Variants in SCD5 observed in about 807,000 individuals in gnomAD.
SCD5 encodes stearoyl-CoA desaturase 5.
SCD5 carries 20 observed loss-of-function variants against 30.4 expected under a neutral mutation model. The observed-to-expected ratio is 0.66, with a 90% confidence interval of 0.46 to 0.96. The LOEUF (loss-of-function observed/expected upper bound fraction) is 0.96, where lower values mean the gene tolerates loss of function less well. Ranked by LOEUF, SCD5 falls within the 40% of genes least tolerant of loss-of-function variation. The pLI, the probability that SCD5 is intolerant of heterozygous loss-of-function variation, is 0.00. For missense variants in SCD5, 381 were observed against 443.3 expected (o/e 0.86, Z 1.26); for synonymous variants, 173 against 176.4 (o/e 0.98, Z 0.16).
chr4:82,658,630 C>CTTTTT (rs57727794), intron 3 of SCD5, among the ~76,000 whole-genome samples: 1,500 of 116,508 alleles, frequency 0.013, 24 homozygotes, highest in East Asian at 0.019. Flanking sequence ...CCACACCTGG[C>CTTTTT]TTTTTTTTTT....
chr4:82,751,327 C>T (rs539891720), intron 1 of SCD5, among the ~76,000 whole-genome samples: 10 of 152,220 alleles, frequency 6.6e-5, no homozygotes, highest in Non-Finnish European at 1.3e-4. Flanking sequence ...TCCTTAGTAG[C>T]TAGGACTACA....
At chr4:82,687,914 G>A (rs1728746198) in intron 2 of SCD5, among the ~76,000 whole-genome samples, 1 of 152,100 alleles carries the variant, frequency 6.6e-6, no homozygotes, top group Non-Finnish European at 1.5e-5. Context: ...GTCTTTTAAG[G>A]CCCACATAAT....
intron 4 of SCD5, among the ~76,000 whole-genome samples, chr4:82,635,046 A>G (rs1207394337): frequency 3.3e-5 from 5 of 152,212 alleles, no homozygotes; most frequent in Admixed American, 6.5e-5. Context: ...GTGATGCAGA[A>G]TCTCATCACT....
At chr4:82,675,740 T>G (rs1375282676) in intron 3 of SCD5, among the ~76,000 whole-genome samples, 2 of 152,246 alleles carry the variant, frequency 1.3e-5, no homozygotes, top group Non-Finnish European at 2.9e-5. Context: ...ATCTTCATTT[T>G]GTCATCTGAG....
chr4:82,695,448 T>C (rs368754755), intron 2 of SCD5, among the ~76,000 whole-genome samples: 2 of 152,130 alleles, frequency 1.3e-5, no homozygotes, highest in African/African-American at 2.4e-5. Context: ...AATTTAGTGA[T>C]AGAACTGAAG....
intron 3 of SCD5, chr4:82,660,951 T>C (rs754378018): frequency 3.1e-6 from 5 of 1,614,184 alleles, no homozygotes; most frequent in East Asian, 2.2e-5. Context: ...AATGAGTATG[T>C]AACAAAGCTA....
chr4:82,763,650 G>A (rs554689141), intron 1 of SCD5, among the ~76,000 whole-genome samples: 7 of 152,342 alleles, frequency 4.6e-5, no homozygotes, highest in African/African-American at 1.7e-4. Flanking sequence ...CAGGAACAGA[G>A]GAAAGACCAC....
chr4:82,752,865 A>G (rs1578052930), intron 1 of SCD5, among the ~76,000 whole-genome samples: 1 of 152,062 alleles, frequency 6.6e-6, no homozygotes, highest in Admixed American at 6.5e-5. Flanking sequence ...ACTGCATCAC[A>G]TTTTCCCAAA....
intron 4 of SCD5, among the ~76,000 whole-genome samples, chr4:82,632,421 T>A (rs865930678): frequency 2.6e-5 from 4 of 152,264 alleles, no homozygotes; most frequent in African/African-American, 7.2e-5. Context: ...ACATTTTTTT[T>A]AATCCAGTCT....
At chr4:82,791,064 C>A (rs1449124140) in intron 1 of SCD5, among the ~76,000 whole-genome samples, 1 of 152,016 alleles carries the variant, frequency 6.6e-6, no homozygotes, top group South Asian at 2.1e-4. Flanking sequence ...ACGGTGAAAC[C>A]CCATCTCTAC....
chr4:82,754,048 T>C (rs563832009), intron 1 of SCD5, among the ~76,000 whole-genome samples: 1 of 152,226 alleles, frequency 6.6e-6, no homozygotes, highest in Admixed American at 6.5e-5. Flanking sequence ...AAGCACAGAC[T>C]CGCCCGAAAA....
chr4:82,678,660 G>A (rs1231256067), intron 3 of SCD5, among the ~76,000 whole-genome samples: 1 of 152,148 alleles, frequency 6.6e-6, no homozygotes, highest in Admixed American at 6.5e-5. Flanking sequence ...TTTGACAATG[G>A]TGTCTACAAT....
chr4:82,750,336 G>A (rs990168126), intron 1 of SCD5, among the ~76,000 whole-genome samples: 2 of 152,296 alleles, frequency 1.3e-5, no homozygotes, highest in African/African-American at 4.8e-5. Context: ...ACAAGGAGGA[G>A]CTACCTACAC....
chr4:82,636,675 T>C lies in SCD5; in HGVS notation c.718A>G (p.Ser240Gly), dbSNP rs761817397. ...ISLNISWLVN[S>G]AAHMYGNRPY... ...CGGTTTCCATACATGTGGGCGGCGCTGTTGACCAGCCAGCTGATGTTGAGT... is the reference window on the plus strand; with the variant it reads ...CGGTTTCCATACATGTGGGCGGCGCCGTTGACCAGCCAGCTGATGTTGAGT... The change falls in exon 4 of 5, where the codon AGC becomes GGC. Residue 240 changes from serine (S) to glycine (G), a missense_variant. Transcript: ENST00000319540. 5.0e-6 allele frequency: 8 copies of C among 1,614,200 alleles called. No individual in the cohort carries two copies. The highest frequency in any genetic ancestry group is 6.8e-6 in the Non-Finnish European group (8 of 1,180,040).
chr4:82,715,366 C>A (rs1330340414), intron 1 of SCD5, among the ~76,000 whole-genome samples: 1 of 151,594 alleles, frequency 6.6e-6, no homozygotes, highest in Non-Finnish European at 1.5e-5. Flanking sequence ...CAGACACACA[C>A]CCTCCCTTCT....
intron 1 of SCD5, among the ~76,000 whole-genome samples, chr4:82,780,310 C>T (rs1440908767): frequency 6.6e-6 from 1 of 152,180 alleles, no homozygotes; most frequent in African/African-American, 2.4e-5. Flanking sequence ...ACACCTGCAC[C>T]CCAGGCCTAC....
chr4:82,761,880 T>G (rs763400807), intron 1 of SCD5, among the ~76,000 whole-genome samples: 3 of 151,946 alleles, frequency 2.0e-5, no homozygotes, highest in Non-Finnish European at 4.4e-5. Flanking sequence ...CCTAGAAACC[T>G]TACACTCCAT....
At chr4:82,646,117 A>G (rs1326503332) in intron 3 of SCD5, among the ~76,000 whole-genome samples, 1 of 152,190 alleles carries the variant, frequency 6.6e-6, no homozygotes, top group Non-Finnish European at 1.5e-5. Context: ...GAAAGAAATT[A>G]CAGCCCCACA....
chr4:82,695,107 G>A (rs528347619), intron 2 of SCD5, among the ~76,000 whole-genome samples: 11 of 152,188 alleles, frequency 7.2e-5, no homozygotes, highest in African/African-American at 2.2e-4. Flanking sequence ...TGTTAACCCC[G>A]GGTGGTTAGT....
Sources: allele counts gnomAD v4.1 joint callset (sites outside exome capture counted in the v4.1 genomes callset), GRCh38; gene constraint gnomAD v4.1.1; transcripts MANE v1.5; gene names NCBI Gene and HGNC (gene_info 2026-07-23, HGNC 2026-07-21).